PLA2G6: variants seen among roughly 807,000 people sequenced by gnomAD.
The protein encoded by PLA2G6 is phospholipase A2 group VI.
In PLA2G6, 62 loss-of-function variants were observed where a neutral mutation model predicts 83.8. That is an observed-to-expected ratio of 0.74 (90% confidence interval 0.60 to 0.91). The LOEUF (loss-of-function observed/expected upper bound fraction) is 0.91. Among genes scored for constraint, PLA2G6 ranks in the 40% least tolerant of loss-of-function variants. The pLI is 0.00. For synonymous variants in PLA2G6, 417 were observed against 449.8 expected (o/e 0.93, Z 0.92); for missense variants, 944 against 1,102.0 (o/e 0.86, Z 2.03).
chr22:38,145,195 A>G (rs2089176444), intron 3 of PLA2G6: 1 of 545,924 alleles, frequency 1.8e-6, no homozygotes, highest in Non-Finnish European at 3.3e-6. Flanking sequence ...ACACATGCTA[A>G]TTTTTTAATT....
intron 7 of PLA2G6, chr22:38,131,958 T>C (rs2088238714): frequency 3.0e-6 from 1 of 338,686 alleles, no homozygotes; most frequent in Non-Finnish European, 5.8e-6. Context: ...CTACTAAAAA[T>C]ACAAAAATTA....
In PLA2G6 at chr22:38,123,394, A is replaced by G; in HGVS notation, c.1428-136T>C. The G allele has an allele frequency of 1.1e-6, 1 of 874,124 alleles. No homozygotes were observed. Among genetic ancestry groups the G allele is most frequent in the Admixed American group, 2.0e-5 (1 of 49,990 alleles). 54.1% of individuals were successfully genotyped at this position (874,124 alleles called of 1,614,324 possible). ...GACGGACCCGAGGAACTTCTGTCCT[A>G]TGCAGGACAGCGAGGGTGGGGGTGA... On this transcript the variant is annotated intron_variant, in intron 10 of 16. Coordinates refer to ENST00000332509, the MANE Select transcript of PLA2G6 (RefSeq NM_003560.4). This position sits in a 1 kb window ranked among gnomAD's most constrained non-coding sequence, Gnocchi z 4.1.
chr22:38,170,613 C>T (rs571443477), intron 1 of PLA2G6, among the ~76,000 whole-genome samples: 62 of 152,284 alleles, frequency 4.1e-4, no homozygotes, highest in African/African-American at 1.5e-3. Context: ...AATACACTGC[C>T]TTCCTAAGGT....
intron 2 of PLA2G6, among the ~76,000 whole-genome samples, chr22:38,150,825 G>A (rs530955088): frequency 6.6e-6 from 1 of 152,338 alleles, no homozygotes; most frequent in South Asian, 2.1e-4. Flanking sequence ...GGCGGCTCAT[G>A]CCTATAATCC....
In PLA2G6 at chr22:38,123,278, G is replaced by A. The variant is rs1359099386; in HGVS notation, c.1428-20C>T. On this transcript the variant is annotated intron_variant, in intron 10 of 16. Transcript: ENST00000332509. This position sits in a 1 kb window ranked among gnomAD's most constrained non-coding sequence, Gnocchi z 4.1. Reference sequence around the variant, plus strand: ...TCGTGGCTGCAGTGGGAACAGCAGTGGGAGAGAGGAGGGTCCTGCCACAGC... The same window carrying A: ...TCGTGGCTGCAGTGGGAACAGCAGTAGGAGAGAGGAGGGTCCTGCCACAGC... 1.3e-6 allele frequency: 2 copies of A among 1,555,106 alleles called. No homozygotes were observed. Among genetic ancestry groups the A allele is most frequent in the Admixed American group, 1.9e-5 (1 of 51,630 alleles).
intron 2 of PLA2G6, chr22:38,148,159 T>C (rs2089371874): frequency 3.5e-6 from 1 of 287,914 alleles, no homozygotes; most frequent in Non-Finnish European, 6.7e-6. Context: ...TTGACAACAT[T>C]ACTTTTAGTG....
In PLA2G6 at chr22:38,129,350, C is replaced by T. The variant is rs1027213359; in HGVS notation, c.1186+104G>A. 4 of 824,622 alleles carry T rather than the reference C, an allele frequency of 4.9e-6. No homozygotes were observed. In the African/African-American group the frequency reaches 6.7e-5, roughly 14 times the overall value. The allele number at this position is 824,622 out of a possible 1,614,324, so 51.1% of individuals were successfully genotyped here. A position where few individuals can be genotyped will look rare whatever the true frequency, so the allele number is the denominator to read the frequency against. Reference sequence around the variant, plus strand: ...CCTGGCAGCTCTGAGCAGGGCGGGTCAGCACAGGATGCTGGCACCTGATGC... The same window carrying T: ...CCTGGCAGCTCTGAGCAGGGCGGGTTAGCACAGGATGCTGGCACCTGATGC... On this transcript the variant is annotated intron_variant, in intron 8 of 16. Transcript: ENST00000332509.
intron 1 of PLA2G6, among the ~76,000 whole-genome samples, chr22:38,179,979 T>G (rs1204765867): frequency 2.0e-5 from 3 of 151,848 alleles, no homozygotes; most frequent in Non-Finnish European, 4.4e-5. Context: ...GAAGAGGCAT[T>G]TAAGACATGA....
chr22:38,145,818 CA>C, intron 2 of PLA2G6, 165 bp from the exon 3 acceptor site: 1 of 663,998 alleles, frequency 1.5e-6, no homozygotes, highest in Non-Finnish European at 2.7e-6. Context: ...CACACACACA[CA>C]CACACACACA....
intron 2 of PLA2G6, among the ~76,000 whole-genome samples, chr22:38,158,894 T>C (rs2089898180): frequency 6.6e-6 from 1 of 152,140 alleles, no homozygotes; most frequent in Admixed American, 6.5e-5. Context: ...ATGAATGGGA[T>C]TGGTGCCATT....
chr22:38,158,263 G>A (rs543450726), intron 2 of PLA2G6, among the ~76,000 whole-genome samples: 3 of 147,884 alleles, frequency 2.0e-5, no homozygotes, highest in Non-Finnish European at 3.0e-5. Flanking sequence ...TCTGCCTCCC[G>A]GGTTCAAGTG....
intron 2 of PLA2G6, among the ~76,000 whole-genome samples, chr22:38,165,188 C>A (rs1273470179): frequency 6.6e-6 from 1 of 152,232 alleles, no homozygotes; most frequent in Non-Finnish European, 1.5e-5. Context: ...ACACAGCAGC[C>A]CTCAATGAAT....
intron 11 of PLA2G6, among the ~76,000 whole-genome samples, chr22:38,121,945 AG>A (rs1450126701): frequency 6.6e-6 from 1 of 152,108 alleles, no homozygotes; most frequent in Non-Finnish European, 1.5e-5. Flanking sequence ...TCTGGTTCTC[AG>A]TTTCCCCATC....
chr22:38,125,304 G>T (rs920807893), intron 10 of PLA2G6, among the ~76,000 whole-genome samples: 24 of 152,190 alleles, frequency 1.6e-4, no homozygotes, highest in African/African-American at 5.5e-4. Context: ...GTGCATGTGG[G>T]TGTGTGTGCG....
At chr22:38,140,286 T>A in intron 4 of PLA2G6, 117 bp from the exon 5 acceptor site, 10 of 842,308 alleles carry the variant, frequency 1.2e-5, no homozygotes, top group Non-Finnish European at 2.0e-5. Flanking sequence ...GGTGGGTGGA[T>A]CACCTGAGGT....
intron 10 of PLA2G6, 80 bp downstream of exon 10, chr22:38,126,291 C>A: frequency 9.3e-7 from 1 of 1,076,612 alleles, no homozygotes; most frequent in Non-Finnish European, 1.4e-6. Flanking sequence ...GAGTAAAGCC[C>A]TGAGCCCACA....
At position 38,126,464 on chromosome 22, in the gene PLA2G6, G is replaced by C. The variant is rs2087867047; in HGVS notation, c.1349-15C>G. 6.2e-7 allele frequency: 1 copy of C among 1,604,064 alleles called. No individual in the cohort carries two copies. Among genetic ancestry groups the C allele is most frequent in the African/African-American group, 1.3e-5 (1 of 74,830 alleles). ...ATCCTGTAGTTCTGTGAGGCACAGAGCAGGGCATGCTGTGGTCAGGTGGGT... is the reference window on the plus strand; with the variant it reads ...ATCCTGTAGTTCTGTGAGGCACAGACCAGGGCATGCTGTGGTCAGGTGGGT... On this transcript the variant is annotated splice_polypyrimidine_tract_variant and intron_variant, in intron 9 of 16. Transcript: ENST00000332509.
At position 38,151,763 on chromosome 22, in the gene PLA2G6, T is replaced by C. The variant is rs754118026; in HGVS notation, c.210-6110A>G. Reference sequence around the variant, plus strand: ...GCTAAAGGATTCTAAGACCAACTTATTGTTCTGGAAGATACTAATGGACCT... The same window carrying C: ...GCTAAAGGATTCTAAGACCAACTTACTGTTCTGGAAGATACTAATGGACCT... On this transcript the variant is annotated intron_variant, in intron 2 of 16. Coordinates refer to ENST00000332509, the MANE Select transcript of PLA2G6 (RefSeq NM_003560.4). 2.0e-5 allele frequency among the ~76,000 whole-genome samples: 3 copies of C among 152,226 alleles called. No homozygotes were observed. The South Asian group carries it at 6.2e-4, about 32-fold the overall frequency.
chr22:38,148,289 G>C (rs1222524667), intron 2 of PLA2G6: 2 of 528,938 alleles, frequency 3.8e-6, no homozygotes, highest in Non-Finnish European at 6.8e-6. Flanking sequence ...ATAAAGGAAA[G>C]GATAGCGAAT....
Sources: gnomAD v4.1 joint callset for allele counts (sites outside exome capture counted in the v4.1 genomes callset) on GRCh38, gnomAD v4.1.1 for gene constraint, Gnocchi (gnomAD v3.1) non-coding constraint, MANE v1.5 for transcripts, NCBI Gene and HGNC (gene_info 2026-07-23, HGNC 2026-07-21) for gene names.